Variants in POC1B observed in about 807,000 individuals in gnomAD.
The protein encoded by POC1B is POC1 centriolar protein homolog B.
POC1B carries 44 observed loss-of-function variants against 60.6 expected under a neutral mutation model. That is an observed-to-expected ratio of 0.73 (90% CI 0.57 to 0.93). POC1B has a LOEUF of 0.93. Among genes scored for constraint, POC1B ranks in the 40% least tolerant of loss-of-function variants. The pLI is 0.00. For synonymous variants in POC1B, 180 were observed against 198.9 expected, an observed-to-expected ratio of 0.90 and a Z score of 0.80; for missense variants, 555 against 572.3, an observed-to-expected ratio of 0.97 and a Z score of 0.31.
intron 10 of POC1B, among the ~76,000 whole-genome samples, chr12:89,430,411 C>T (rs1426628735): frequency 6.6e-6 from 1 of 152,114 alleles, no homozygotes; most frequent in East Asian, 1.9e-4. Flanking sequence ...TTTCGCATTG[C>T]CAAACACATT....
In POC1B at chr12:89,497,280, T is replaced by G. The variant is rs1869303404; in HGVS notation, c.163A>C (p.Arg55=). 2 of 1,613,172 alleles carry G rather than the reference T, an allele frequency of 1.2e-6. No homozygotes were observed. The highest frequency in any genetic ancestry group is 2.7e-5 in the African/African-American group (2 of 74,924). ...ACAACATCCTTGTGACCCACATATC[T>G]GTAAGCTCTAGCATGTGGCTTGAAA... ...WNFKPHARAY[R]YVGHKDVVTS... is the part of the protein sequence containing the mutation. Residue 55 remains arginine, a synonymous_variant, in exon 3 of 12, where the codon AGA becomes CGA. Coordinates refer to ENST00000313546, the MANE Select transcript of POC1B (RefSeq NM_172240.3).
At chr12:89,471,387 T>C (rs1307649746) in intron 6 of POC1B, among the ~76,000 whole-genome samples, 1 of 152,170 alleles carries the variant, frequency 6.6e-6, no homozygotes. Flanking sequence ...ACTTCTTTTT[T>C]TTTCTTTAAA....
intron 4 of POC1B, among the ~76,000 whole-genome samples, chr12:89,481,682 G>C (rs1272217107): frequency 2.0e-5 from 3 of 152,144 alleles, no homozygotes; most frequent in African/African-American, 7.2e-5. Context: ...AATTCCCTTT[G>C]TATTGTCAAA....
chr12:89,436,565 T>G (rs917944445), intron 10 of POC1B, among the ~76,000 whole-genome samples: 4 of 152,008 alleles, frequency 2.6e-5, no homozygotes, highest in African/African-American at 7.3e-5. Context: ...AATACAAAAA[T>G]TAGCTGGGCT....
chr12:89,513,758 C>T (rs1029420107), intron 2 of POC1B, among the ~76,000 whole-genome samples: 1 of 152,084 alleles, frequency 6.6e-6, no homozygotes, highest in African/African-American at 2.4e-5. Flanking sequence ...GCAAGCAAAC[C>T]TTAAGGCTTG....
At chr12:89,506,920 A>G (rs538400768) in intron 2 of POC1B, among the ~76,000 whole-genome samples, 2 of 152,212 alleles carry the variant, frequency 1.3e-5, no homozygotes, top group African/African-American at 2.4e-5. Context: ...TATTCCTAAC[A>G]TCAGAATTTG....
Position 89,466,867 on chromosome 12 carries a change from CT to C in POC1B, c.934del (p.Arg312GlufsTer32). ...ATCAAAATGTAATCTTTTGAGATTTCTTTTGGTAAGACCTTTACAATGCAAT... is the reference window on the plus strand; with the variant it reads ...ATCAAAATGTAATCTTTTGAGATTTCTTTGGTAAGACCTTTACAATGCAAT... ...DELHCKGLTK[R>X]NLKRLHFDSP... On this transcript the variant is annotated frameshift_variant, in exon 9 of 12. Coordinates refer to ENST00000313546, the MANE Select transcript of POC1B (RefSeq NM_172240.3). LOFTEE classifies it high-confidence loss of function. 6.2e-7 allele frequency: 1 copy of C among 1,613,030 alleles called. No individual in the cohort carries two copies. Among genetic ancestry groups the C allele is most frequent in the South Asian group, 1.1e-5 (1 of 91,036 alleles).
Position 89,500,268 on chromosome 12 carries a change from T to C in POC1B, c.101-2926A>G, listed in dbSNP as rs376172799. 3.0e-5 allele frequency: 47 copies of C among 1,552,044 alleles called. No individual in the cohort carries two copies. The African/African-American group carries it at 5.5e-4, about 18-fold the overall frequency. On this transcript the variant is annotated intron_variant, in intron 2 of 11. Transcript: ENST00000313546. ...TTTAGCACAAATTCTACAAAATCAG[T>C]GCTTAATTCAACACGCAAAATAAAA...
chr12:89,476,759 TAGACAGACAGAC>T (rs1167476204), intron 4 of POC1B, among the ~76,000 whole-genome samples: 3 of 58,582 alleles, frequency 5.1e-5, no homozygotes, highest in Non-Finnish European at 8.0e-5. Flanking sequence ...GATAGATAGA[TAGACAGACAGAC>T]AGACAGACAC....
In POC1B at chr12:89,455,662, A is replaced by G. The variant is rs756090755; in HGVS notation, c.1113+3976T>C. On this transcript the variant is annotated intron_variant, in intron 10 of 11. Coordinates refer to ENST00000313546, the MANE Select transcript of POC1B (RefSeq NM_172240.3). ...ATATCAAAAGACTGTAGACCCTTGG[A>G]TTTTTTTCTATAACATAACTGCATG... 6.4e-4 allele frequency among the ~76,000 whole-genome samples: 97 copies of G among 152,246 alleles called. 1 individual carries two copies. The highest frequency in any genetic ancestry group is 1.2e-3 in the Non-Finnish European group (84 of 68,006).
At chr12:89,456,002 C>CTTTT (rs1165409256) in intron 10 of POC1B, among the ~76,000 whole-genome samples, 25 of 135,710 alleles carry the variant, frequency 1.8e-4, no homozygotes, top group African/African-American at 6.8e-4. Context: ...GTTTAAAACT[C>CTTTT]TTTTTTGTTG....
intron 10 of POC1B, among the ~76,000 whole-genome samples, chr12:89,440,242 T>C (rs570673948): frequency 1.1e-4 from 17 of 152,378 alleles, no homozygotes; most frequent in African/African-American, 4.1e-4. Context: ...AAAAATTTTC[T>C]GTTTCTTCCA....
chr12:89,524,684 G>T, intron 2 of POC1B: 3 of 939,534 alleles, frequency 3.2e-6, no homozygotes, highest in Non-Finnish European at 4.8e-6. Context: ...CTCCTTTCCA[G>T]CCACCCAGGC....
In POC1B at chr12:89,504,563, C is replaced by T. The variant is rs7970533; in HGVS notation, c.101-7221G>A. On this transcript the variant is annotated intron_variant, in intron 2 of 11. Coordinates refer to ENST00000313546, the MANE Select transcript of POC1B (RefSeq NM_172240.3). ...CTCCACTATTGTCCTATGACCCTGC[C>T]AAATCCCTCTCTGCAAGAAACACCC... Among the ~76,000 whole-genome samples the T allele has an allele frequency of 6.5e-3, 969 of 149,612 alleles. 11 individuals carry two copies. The highest frequency in any genetic ancestry group is 0.023 in the African/African-American group (931 of 40,484).
At chr12:89,524,620 C>A in intron 2 of POC1B, 1 of 1,509,138 alleles carries the variant, frequency 6.6e-7, no homozygotes, top group Non-Finnish European at 9.1e-7. Context: ...GCGGAACCCA[C>A]AGCTCGAGCT....
chr12:89,523,444 G>C, intron 2 of POC1B: 1 of 1,614,072 alleles, frequency 6.2e-7, no homozygotes. Flanking sequence ...GCGAGCATAT[G>C]GTGCCCGCTT....
intron 2 of POC1B, chr12:89,524,254 C>G: frequency 6.2e-7 from 1 of 1,613,974 alleles, no homozygotes; most frequent in Non-Finnish European, 8.5e-7. Flanking sequence ...GATGGCGTAT[C>G]TCTCAATGAG....
intron 2 of POC1B, chr12:89,522,776 C>T: frequency 6.5e-7 from 1 of 1,526,742 alleles, no homozygotes; most frequent in Non-Finnish European, 8.8e-7. Flanking sequence ...ACTTTCTTGA[C>T]ACTACTGTCA....
chr12:89,479,985 G>A (rs1000452072), intron 4 of POC1B, among the ~76,000 whole-genome samples: 1 of 151,958 alleles, frequency 6.6e-6, no homozygotes, highest in African/African-American at 2.4e-5. Context: ...CCCACTGATT[G>A]GAAATGCCAC....
Sources: allele counts gnomAD v4.1 joint callset (sites outside exome capture counted in the v4.1 genomes callset), GRCh38; gene constraint gnomAD v4.1.1; transcripts MANE v1.5; gene names NCBI Gene and HGNC (gene_info 2026-07-23, HGNC 2026-07-21).